Variants in ABCA4 observed in about 807,000 individuals in gnomAD.
ABCA4 encodes ATP binding cassette subfamily A member 4, also known as retinal-specific phospholipid-transporting ATPase ABCA4.
In ABCA4, 196 loss-of-function variants were observed where a neutral mutation model predicts 263.7. The ratio of observed to expected loss-of-function variants is 0.74; its 90% CI spans 0.66 to 0.84. The LOEUF (loss-of-function observed/expected upper bound fraction) is 0.84, where lower values mean the gene tolerates loss of function less well. Ranked by LOEUF, ABCA4 falls within the 40% of genes least tolerant of loss-of-function variation. The pLI, the probability that ABCA4 is intolerant of heterozygous loss-of-function variation, is 0.00. For missense variants in ABCA4, 2,792 were observed against 2,855.1 expected (o/e 0.98, Z 0.50); for synonymous variants, 1,133 against 1,094.2 (o/e 1.04, Z -0.70).
At chr1:94,077,637 C>T in intron 11 of ABCA4, 53 bp downstream of exon 11, 2 of 1,520,674 alleles carry the variant, frequency 1.3e-6, no homozygotes, top group Non-Finnish European at 1.8e-6. Flanking sequence ...AGCTCTGGCC[C>T]CACTCATGGG....
intron 11 of ABCA4, among the ~76,000 whole-genome samples, chr1:94,064,847 C>G (rs765239349): frequency 6.6e-6 from 1 of 152,072 alleles, no homozygotes; most frequent in East Asian, 1.9e-4. Flanking sequence ...GAGTTCTGGG[C>G]AGGCCTTAAA....
chr1:94,108,106 G>A (rs1662492299), intron 4 of ABCA4, among the ~76,000 whole-genome samples: 1 of 152,122 alleles, frequency 6.6e-6, no homozygotes, highest in Non-Finnish European at 1.5e-5. Flanking sequence ...ATATTACTGG[G>A]AGAAATAGTA....
chr1:94,069,798 G>A (rs1661358142), intron 11 of ABCA4, among the ~76,000 whole-genome samples: 1 of 152,164 alleles, frequency 6.6e-6, no homozygotes, highest in African/African-American at 2.4e-5. Context: ...TGCACGCTGG[G>A]CACCGCAAAC....
In ABCA4 at chr1:94,029,641, G is replaced by T. The variant is rs964712135; in HGVS notation, c.4353-10C>A. ...GCCACAGGGGTACTCCCTCATGGAAGACAAGAAAATATTCCATAATCAGCC... is the reference window on the plus strand; with the variant it reads ...GCCACAGGGGTACTCCCTCATGGAATACAAGAAAATATTCCATAATCAGCC... On this transcript the variant is annotated splice_polypyrimidine_tract_variant and intron_variant, in intron 29 of 49. Transcript: ENST00000370225. 5 of 1,611,164 alleles carry T rather than the reference G, an allele frequency of 3.1e-6. No individual in the cohort carries two copies. The highest frequency in any genetic ancestry group is 3.4e-5 in the Admixed American group (2 of 59,682).
At chr1:94,075,768 A>G (rs524322) in intron 11 of ABCA4, among the ~76,000 whole-genome samples, 37,197 of 152,168 alleles carry the variant, frequency 0.24, 5,114 homozygotes, top group Non-Finnish European at 0.31. Context: ...AGAGTGGTCC[A>G]CCCTTAGATG....
chr1:94,102,805 C>T (rs879851020), intron 5 of ABCA4, among the ~76,000 whole-genome samples: 1 of 152,184 alleles, frequency 6.6e-6, no homozygotes, highest in Non-Finnish European at 1.5e-5. Context: ...TTTAAGGTCA[C>T]CAGGATGTGT....
chr1:94,012,393 A>C (rs1659571336), intron 38 of ABCA4, among the ~76,000 whole-genome samples: 1 of 152,082 alleles, frequency 6.6e-6, no homozygotes, highest in Admixed American at 6.5e-5. Context: ...CTTCCCTTAC[A>C]AGCCTTCCAA....
At chr1:94,032,675 A>G (rs1660238254) in intron 26 of ABCA4, among the ~76,000 whole-genome samples, 1 of 152,180 alleles carries the variant, frequency 6.6e-6, no homozygotes, top group Admixed American at 6.5e-5. Flanking sequence ...CAAAAAAACT[A>G]AGGTGCTGGT....
intron 31 of ABCA4, among the ~76,000 whole-genome samples, chr1:94,023,756 T>C (rs1309724666): frequency 6.6e-6 from 1 of 152,228 alleles, no homozygotes; most frequent in Non-Finnish European, 1.5e-5. Flanking sequence ...GAATGAAGGC[T>C]GCAGCCCTCC....
At position 94,055,105 on chromosome 1, in the gene ABCA4, G is replaced by A. The variant is rs1660936188; in HGVS notation, c.2587+6C>T. ...TTACCTTTACCCTATAGAGGAGGAT[G>A]CTTACCTGGAAACACCTGATCAAGG... On this transcript the variant is annotated splice_donor_region_variant and intron_variant, in intron 16 of 49. Coordinates refer to ENST00000370225, the MANE Select transcript of ABCA4 (RefSeq NM_000350.3). The A allele has an allele frequency of 1.9e-6, 3 of 1,613,404 alleles. No individual in the cohort carries two copies. The highest frequency in any genetic ancestry group is 1.3e-5 in the African/African-American group (1 of 74,886).
chr1:94,076,048 G>A (rs1185844154), intron 11 of ABCA4, among the ~76,000 whole-genome samples: 1 of 152,198 alleles, frequency 6.6e-6, no homozygotes, highest in African/African-American at 2.4e-5. Flanking sequence ...CTCAGCAGAT[G>A]AGGAAAGGGA....
chr1:94,093,643 A>G (rs1435628412), intron 6 of ABCA4, among the ~76,000 whole-genome samples: 4 of 69,134 alleles, frequency 5.8e-5, no homozygotes, highest in Admixed American at 1.8e-4. Context: ...CTTTCTTTGT[A>G]AATCCATAAA....
Position 94,037,262 on chromosome 1 carries a change from A to T in ABCA4, c.3696T>A (p.Leu1232=). ...VECIGQELIF[L]LPNKNFKHRA... is the part of the protein sequence containing the mutation. ...TGTGCTTGAAGTTCTTATTTGGAAG[A>T]AGGAAGATAAGTTCTTGACCAATGC... Residue 1232 remains leucine, a synonymous_variant, in exon 25 of 50, where the codon CTT becomes CTA. Coordinates refer to ENST00000370225, the MANE Select transcript of ABCA4 (RefSeq NM_000350.3). 1.9e-6 allele frequency: 3 copies of T among 1,614,238 alleles called. No homozygotes were observed. The highest frequency in any genetic ancestry group is 2.5e-6 in the Non-Finnish European group (3 of 1,180,036).
chr1:94,114,480 G>C (rs1354739784), intron 1 of ABCA4, among the ~76,000 whole-genome samples: 1 of 146,216 alleles, frequency 6.8e-6, no homozygotes, highest in Non-Finnish European at 1.5e-5. Flanking sequence ...TAGACTCTCC[G>C]TGAGGCACTT....
intron 44 of ABCA4, 110 bp downstream of exon 44, chr1:94,005,331 G>T: frequency 7.2e-7 from 1 of 1,385,134 alleles, no homozygotes; most frequent in Non-Finnish European, 1.0e-6. Flanking sequence ...TTGTTGGAAT[G>T]AATGAATGAA....
At chr1:94,084,548 T>C (rs1410952959) in intron 6 of ABCA4, among the ~76,000 whole-genome samples, 2 of 152,228 alleles carry the variant, frequency 1.3e-5, no homozygotes, top group African/African-American at 2.4e-5. Context: ...TGTATTCTTT[T>C]TGACCCTGAA....
At position 93,996,175 on chromosome 1, in the gene ABCA4, T is replaced by C; in HGVS notation, c.6750A>G (p.Lys2250=). ...TLDQVFVNFA[K]QQTESHDLPL... is the part of the protein sequence containing the mutation. ...GGAGGTCATGACTTTCAGTCTGCTGTTTAGCAAAATTTACAAACACCTAGA... is the reference window on the plus strand; with the variant it reads ...GGAGGTCATGACTTTCAGTCTGCTGCTTAGCAAAATTTACAAACACCTAGA... Residue 2250 remains lysine, a synonymous_variant, in exon 49 of 50, where the codon AAA becomes AAG. Transcript: ENST00000370225. 6.2e-7 allele frequency: 1 copy of C among 1,613,860 alleles called. No homozygotes were observed. Among genetic ancestry groups the C allele is most frequent in the South Asian group, 1.1e-5 (1 of 91,084 alleles).
At position 93,997,951 on chromosome 1, in the gene ABCA4, G is replaced by A. The variant is rs1353586276; in HGVS notation, c.6639C>T (p.Ser2213=). 3 of 1,614,110 alleles carry A rather than the reference G, an allele frequency of 1.9e-6. No individual in the cohort carries two copies. Among genetic ancestry groups the A allele is most frequent in the Non-Finnish European group, 2.5e-6 (3 of 1,180,012 alleles). ...YNMLQFQVSS[S]SLARIFQLLL... is the part of the protein sequence containing the mutation. The stretch of plus-strand genomic sequence containing the variant: ...GGAGCTGGAAGATCCTCGCCAGGGA[G>A]GAGGAGGAGACCTGGAACTGGAGCA... The change falls in exon 48 of 50, where the codon TCC becomes TCT. Residue 2213 remains serine (S), a synonymous_variant. Coordinates refer to ENST00000370225, the MANE Select transcript of ABCA4 (RefSeq NM_000350.3).
chr1:94,002,118 G>T, intron 44 of ABCA4, 126 bp from the exon 45 acceptor site: 3 of 1,354,592 alleles, frequency 2.2e-6, no homozygotes, highest in Non-Finnish European at 3.1e-6. Flanking sequence ...GCTGAAACAG[G>T]CTCCTGCTGG....
Sources: gnomAD v4.1 joint callset for allele counts (sites outside exome capture counted in the v4.1 genomes callset) on GRCh38, gnomAD v4.1.1 for gene constraint, MANE v1.5 for transcripts, NCBI Gene and HGNC (gene_info 2026-07-23, HGNC 2026-07-21) for gene names.